RGS7: variants seen among roughly 807,000 people sequenced by gnomAD.
RGS7 encodes regulator of G-protein signaling 7.
Under a neutral mutation model 81.1 loss-of-function variants are expected in RGS7, and 27 were observed. The ratio of observed to expected loss-of-function variants is 0.33; its 90% confidence interval spans 0.25 to 0.46. RGS7 has a LOEUF of 0.46. Ranked by LOEUF, RGS7 falls within the 20% of genes least tolerant of loss-of-function variation. RGS7 has a pLI of 1.00. For synonymous variants in RGS7, 208 were observed against 207.7 expected (o/e 1.00, Z -0.01); for missense variants, 396 against 607.4 (o/e 0.65, Z 3.66).
chr1:241,084,777 CT>C (rs1461167718), intron 3 of RGS7, among the ~76,000 whole-genome samples: 3 of 152,166 alleles, frequency 2.0e-5, no homozygotes, highest in Non-Finnish European at 2.9e-5. Flanking sequence ...GATGAAGAAC[CT>C]TCCTAAACTA....
At chr1:241,178,949 A>C (rs2071378202) in intron 2 of RGS7, among the ~76,000 whole-genome samples, 1 of 152,220 alleles carries the variant, frequency 6.6e-6, no homozygotes, top group South Asian at 2.1e-4. Flanking sequence ...TAAAGGGCTT[A>C]TTACACTGTA....
At chr1:241,329,073 T>A (rs896477167) in intron 2 of RGS7, among the ~76,000 whole-genome samples, 19 of 152,204 alleles carry the variant, frequency 1.2e-4, no homozygotes, top group African/African-American at 4.6e-4. Context: ...ATGCACTTGG[T>A]AGGTTTCCAT....
chr1:240,980,518 T>A (rs1352803238), intron 4 of RGS7, among the ~76,000 whole-genome samples: 1 of 152,056 alleles, frequency 6.6e-6, no homozygotes, highest in Non-Finnish European at 1.5e-5. Flanking sequence ...CTTCAGGGAG[T>A]TTTTGATAGA....
intron 3 of RGS7, among the ~76,000 whole-genome samples, chr1:240,983,513 C>T (rs372854363): frequency 6.6e-6 from 1 of 152,166 alleles, no homozygotes; most frequent in Admixed American, 6.5e-5. Context: ...GTTGTACCCA[C>T]CTCATCCTTG....
At chr1:241,108,302 CAAAAAAAAAA>C (rs34848063) in intron 2 of RGS7, among the ~76,000 whole-genome samples, 1 of 70,908 alleles carries the variant, frequency 1.4e-5, no homozygotes, top group Admixed American at 1.7e-4. Context: ...GACTCCGTCT[CAAAAAAAAAA>C]AAAAAAAAAA....
intron 3 of RGS7, among the ~76,000 whole-genome samples, chr1:241,036,112 A>G (rs1301147180): frequency 2.6e-5 from 4 of 152,210 alleles, no homozygotes; most frequent in Non-Finnish European, 5.9e-5. Context: ...GATAATTCCT[A>G]CGGATACAAT....
At chr1:241,267,974 T>C (rs1273200981) in intron 2 of RGS7, among the ~76,000 whole-genome samples, 4 of 152,260 alleles carry the variant, frequency 2.6e-5, no homozygotes, top group Non-Finnish European at 5.9e-5. Flanking sequence ...TGTCTGATTC[T>C]AGAATGTTTC....
chr1:240,795,590 T>G (rs12021733), intron 18 of RGS7, among the ~76,000 whole-genome samples: 104,637 of 152,082 alleles, frequency 0.69, 36,258 homozygotes, highest in African/African-American at 0.72. Flanking sequence ...AATCAATATA[T>G]AACTTTGATT....
chr1:241,142,017 C>G (rs2067955174), intron 2 of RGS7, among the ~76,000 whole-genome samples: 1 of 152,272 alleles, frequency 6.6e-6, no homozygotes, highest in Admixed American at 6.5e-5. Context: ...AGGCCCCATG[C>G]TAGTCCAAAA....
intron 4 of RGS7, among the ~76,000 whole-genome samples, chr1:240,945,135 G>A (rs1678386803): frequency 6.6e-6 from 1 of 152,226 alleles, no homozygotes; most frequent in African/African-American, 2.4e-5. Flanking sequence ...CAGAGCAGCC[G>A]CCATCCTTAT....
chr1:241,321,769 T>C (rs1473035849), intron 2 of RGS7, among the ~76,000 whole-genome samples: 1 of 152,194 alleles, frequency 6.6e-6, no homozygotes, highest in Non-Finnish European at 1.5e-5. Context: ...AGTAGCCAGA[T>C]AGACTTCTAA....
downstream of RGS7, among the ~76,000 whole-genome samples, chr1:240,774,879 A>G (rs1682758753): frequency 6.9e-6 from 1 of 145,378 alleles, no homozygotes. Flanking sequence ...TTAATTAAAA[A>G]TACGGTATAA....
intron 2 of RGS7, among the ~76,000 whole-genome samples, chr1:241,222,808 A>ACCCCCCCCCCCCCCCC (rs2075088679): frequency 7.2e-6 from 1 of 139,078 alleles, no homozygotes; most frequent in Non-Finnish European, 1.6e-5. Flanking sequence ...ATGCTATCCC[A>ACCCCCCCCCCCCCCCC]CCCCCAGCCC....
chr1:241,312,191 T>C (rs2080573230), intron 2 of RGS7, among the ~76,000 whole-genome samples: 1 of 152,232 alleles, frequency 6.6e-6, no homozygotes, highest in Non-Finnish European at 1.5e-5. Flanking sequence ...ACATTTGTAA[T>C]GTGTCAGGCC....
intron 2 of RGS7, among the ~76,000 whole-genome samples, chr1:241,325,489 GAGAGGCATCTTTCATGTATGCCTAAC>G (rs2081438688): frequency 1.3e-5 from 2 of 152,166 alleles, no homozygotes; most frequent in African/African-American, 4.8e-5. Context: ...TTGATGATAT[GAGAGGCATCTTTCATGTATGCCTAAC>G]ACACTGCCAG....
intron 2 of RGS7, among the ~76,000 whole-genome samples, chr1:241,269,366 A>T (rs1253106108): frequency 6.6e-6 from 1 of 152,234 alleles, no homozygotes; most frequent in African/African-American, 2.4e-5. Context: ...AAGTAAAAAT[A>T]AACCTGGAAG....
intron 9 of RGS7, among the ~76,000 whole-genome samples, chr1:240,858,073 G>T (rs1287743724): frequency 2.0e-5 from 3 of 152,090 alleles, no homozygotes; most frequent in Admixed American, 6.6e-5. Context: ...CCAGTCTTGG[G>T]TATGTCTTTA....
intron 4 of RGS7, among the ~76,000 whole-genome samples, chr1:240,974,379 A>C (rs576930195): frequency 2.8e-4 from 43 of 152,252 alleles, no homozygotes; most frequent in African/African-American, 1.0e-3. Context: ...CTTTCTGTTC[A>C]CGTTCTCACA....
intron 4 of RGS7, among the ~76,000 whole-genome samples, chr1:240,963,172 C>T (rs1403226272): frequency 6.6e-5 from 10 of 152,042 alleles, no homozygotes; most frequent in Admixed American, 6.6e-4. Flanking sequence ...GTGGACAGAT[C>T]TGATATTTAG....
Sources: allele counts gnomAD v4.1 joint callset (sites outside exome capture counted in the v4.1 genomes callset), GRCh38; gene constraint gnomAD v4.1.1; transcripts MANE v1.5; gene names NCBI Gene and HGNC (gene_info 2026-07-23, HGNC 2026-07-21).